ROCK2: variants seen among roughly 807,000 people sequenced by gnomAD.
The protein encoded by ROCK2 is rho-associated protein kinase 2.
ROCK2 carries 61 observed loss-of-function variants against 195.1 expected under a neutral mutation model. That is an observed-to-expected ratio of 0.31 (90% CI 0.25 to 0.39). ROCK2 has a LOEUF of 0.39. Among genes scored for constraint, ROCK2 ranks in the 10% least tolerant of loss-of-function variants. ROCK2 has a pLI of 1.00. For synonymous variants in ROCK2, 504 were observed against 545.5 expected, an observed-to-expected ratio of 0.92 and a Z score of 1.06; for missense variants, 1,109 against 1,637.4, an observed-to-expected ratio of 0.68 and a Z score of 5.57.
At position 11,201,137 on chromosome 2, in the gene ROCK2, A is replaced by G. The variant is rs1190862381; in HGVS notation, c.2730T>C (p.Ser910=). The G allele has an allele frequency of 6.2e-7, 1 of 1,605,726 alleles. No individual in the cohort carries two copies. Among genetic ancestry groups the G allele is most frequent in the Non-Finnish European group, 8.5e-7 (1 of 1,177,432 alleles). Residue 910 remains serine (S), a synonymous_variant, in exon 23 of 33, where the codon TCT becomes TCC. Transcript: ENST00000315872. This position sits in a 1 kb window ranked among gnomAD's most constrained non-coding sequence, Gnocchi z 4.6. ...AGGTGATCTCCAGTTGGGCAGCCAA[A>G]GAGTCCCTACATTTTAGCAATATAT... ...KKQELQDERD[S]LAAQLEITLT... is the part of the protein sequence containing the mutation.
At chr2:11,200,146 T>C (rs1333388712) in intron 23 of ROCK2, among the ~76,000 whole-genome samples, 3 of 152,224 alleles carry the variant, frequency 2.0e-5, no homozygotes, top group Admixed American at 6.5e-5. Context: ...TTCCAAATTC[T>C]TTAATCTTAT....
In ROCK2 at chr2:11,200,940, C is replaced by T; in HGVS notation, c.2910+17G>A. ...AATTTAACTATAATCCAAAAAAGCACCAAGAATTTGACTTACAGAAGCAAT... is the reference window on the plus strand; with the variant it reads ...AATTTAACTATAATCCAAAAAAGCATCAAGAATTTGACTTACAGAAGCAAT... On this transcript the variant is annotated intron_variant, in intron 23 of 32. Transcript: ENST00000315872. 1 of 1,574,816 alleles carries T rather than the reference C, an allele frequency of 6.3e-7. No homozygotes were observed. Among genetic ancestry groups the T allele is most frequent in the Non-Finnish European group, 8.6e-7 (1 of 1,163,746 alleles).
Position 11,179,958 on chromosome 2 carries a change from A to AACTC in ROCK2, c.*3475_*3478dup. 6.6e-6 allele frequency: 1 copy of AACTC among 152,200 alleles called. No individual in the cohort carries two copies. Among genetic ancestry groups the AACTC allele is most frequent in the East Asian group, 1.9e-4 (1 of 5,176 alleles). The allele number at this position is 152,200 out of a possible 1,614,324, so 9.4% of individuals were successfully genotyped here. ...CATTACTTATTACAATTCCAAACAA[A>AACTC]ACTCATTATTATGGGGATGGGAGTC... On this transcript the variant is annotated 3_prime_UTR_variant, in exon 33 of 33. Coordinates refer to ENST00000315872, the MANE Select transcript of ROCK2 (RefSeq NM_004850.5).
chr2:11,233,131 T>C (rs1357333203), intron 5 of ROCK2, among the ~76,000 whole-genome samples: 1 of 152,192 alleles, frequency 6.6e-6, no homozygotes, highest in East Asian at 1.9e-4. Flanking sequence ...GGAGGATCCC[T>C]TGAGCCCAGG....
intron 16 of ROCK2, 22 bp downstream of exon 16, chr2:11,214,818 A>C (rs538810440): frequency 6.3e-7 from 1 of 1,578,824 alleles, no homozygotes; most frequent in South Asian, 1.1e-5. Context: ...AATTAATTCA[A>C]GTGCAACCAC....
At chr2:11,339,684 A>G (rs1400515905) in intron 1 of ROCK2, among the ~76,000 whole-genome samples, 1 of 152,218 alleles carries the variant, frequency 6.6e-6, no homozygotes, top group Admixed American at 6.5e-5. Context: ...GCAAGTCATA[A>G]AAGAATACAT....
rs539977220 is a variant in ROCK2, at chr2:11,344,336, A to AGCCGG, written c.-201_-200insCCGGC. On this transcript the variant is annotated 5_prime_UTR_variant, in exon 1 of 33. Transcript: ENST00000315872. This position sits in a 1 kb window ranked among gnomAD's most constrained non-coding sequence, Gnocchi z 5.4. ...GGGCCCGCCCGGCCCAGCCCGGCCC[A>AGCCGG]GCCCGGCCCGGCCCTGCCGGGAGCG... is the stretch of plus-strand genomic sequence containing the variant. 20 of 1,149,272 alleles carry AGCCGG rather than the reference A, an allele frequency of 1.7e-5. No homozygotes were observed. The highest frequency in any genetic ancestry group is 2.2e-5 in the Non-Finnish European group (20 of 927,966). The allele number at this position is 1,149,272 out of a possible 1,614,324, so 71.2% of individuals were successfully genotyped here. A position where few individuals can be genotyped will look rare whatever the true frequency, so the allele number is the denominator to read the frequency against.
At chr2:11,230,917 T>G (rs1664984828) in intron 5 of ROCK2, among the ~76,000 whole-genome samples, 1 of 152,154 alleles carries the variant, frequency 6.6e-6, no homozygotes, top group African/African-American at 2.4e-5. Flanking sequence ...TTTTAGGAAA[T>G]TCTTCTCTTT....
chr2:11,282,053 C>T lies in ROCK2; in HGVS notation c.324+4486G>A, dbSNP rs550799243. On this transcript the variant is annotated intron_variant, in intron 3 of 32. Transcript: ENST00000315872. ...GAAGCAAAAGACCCAGAATAGCCAA[C>T]AAAATATTAAAGAACAGTCAGGTGC... Among the ~76,000 whole-genome samples, 9 of 152,196 alleles carry T rather than the reference C, an allele frequency of 5.9e-5. No homozygotes were observed. In the South Asian group the frequency reaches 1.9e-3, roughly 32 times the overall value.
chr2:11,257,633 C>G (rs142247857), intron 3 of ROCK2, among the ~76,000 whole-genome samples: 1 of 151,110 alleles, frequency 6.6e-6, no homozygotes, highest in East Asian at 1.9e-4. Flanking sequence ...GAATCACCTC[C>G]GCAGATATGG....
rs1669205372 is a variant in ROCK2 at position 11,344,165 on chromosome 2, TCCTCGCGCTCAGGTC to T, written c.-44_-30del. On this transcript the variant is annotated 5_prime_UTR_variant, in exon 1 of 33. Coordinates refer to ENST00000315872, the MANE Select transcript of ROCK2 (RefSeq NM_004850.5). The surrounding 1 kb of genome is among the most constrained non-coding windows in gnomAD (Gnocchi z 5.4). ...GCCACCGCTGGACCCGCACTCAGGC[TCCTCGCGCTCAGGTC>T]CCGCAGCCTCGGGGCCTAGCACCGC... 7.2e-7 allele frequency: 1 copy of T among 1,394,130 alleles called. No homozygotes were observed. The highest frequency in any genetic ancestry group is 1.6e-5 in the South Asian group (1 of 62,042). 86.4% of individuals were successfully genotyped at this position (1,394,130 alleles called of 1,614,324 possible). A position where few individuals can be genotyped will look rare whatever the true frequency, so the allele number is the denominator to read the frequency against.
At chr2:11,210,093 T>C (rs1453498623) in intron 18 of ROCK2, among the ~76,000 whole-genome samples, 1 of 152,214 alleles carries the variant, frequency 6.6e-6, no homozygotes, top group Non-Finnish European at 1.5e-5. Flanking sequence ...TGAAACCATC[T>C]ATAATATGTA....
chr2:11,317,612 A>ATTTTTTTTTTTTT lies in ROCK2; in HGVS notation c.141+26371_141+26383dup, dbSNP rs1553317464. 1.6e-4 allele frequency among the ~76,000 whole-genome samples: 3 copies of ATTTTTTTTTTTTT among 19,312 alleles called. 1 individual carries two copies. Among genetic ancestry groups the ATTTTTTTTTTTTT allele is most frequent in the African/African-American group, 4.8e-4 (3 of 6,266 alleles). The allele number at this position is 19,312 out of a possible 152,430, so 12.7% of individuals were successfully genotyped here. A position where few individuals can be genotyped will look rare whatever the true frequency, so the allele number is the denominator to read the frequency against. On this transcript the variant is annotated intron_variant, in intron 1 of 32. Transcript: ENST00000315872. ...TATATATATATATATATATATATAT[A>ATTTTTTTTTTTTT]TTTTTTTTTTTTTTTAATTATACTT...
chr2:11,320,516 A>G (rs929073670), intron 1 of ROCK2, among the ~76,000 whole-genome samples: 10 of 133,064 alleles, frequency 7.5e-5, no homozygotes, highest in African/African-American at 2.4e-4. Flanking sequence ...TTGCCTTGTC[A>G]CCACTGTGAT....
chr2:11,307,780 A>G (rs940453989), intron 1 of ROCK2, among the ~76,000 whole-genome samples: 3 of 152,216 alleles, frequency 2.0e-5, no homozygotes, highest in African/African-American at 7.2e-5. Context: ...CAGGAAAAAA[A>G]CCAACAGATT....
At chr2:11,334,235 A>G (rs552926162) in intron 1 of ROCK2, among the ~76,000 whole-genome samples, 6 of 152,306 alleles carry the variant, frequency 3.9e-5, no homozygotes, top group East Asian at 1.9e-4. Flanking sequence ...AAAAGAGGCC[A>G]GGCGCAGTGA....
At position 11,344,252 on chromosome 2, in the gene ROCK2, T is replaced by A; in HGVS notation, c.-116A>T. 1.5e-6 allele frequency: 2 copies of A among 1,302,342 alleles called. No individual in the cohort carries two copies. Among genetic ancestry groups the A allele is most frequent in the Non-Finnish European group, 1.9e-6 (2 of 1,029,016 alleles). The allele number at this position is 1,302,342 out of a possible 1,614,324, so 80.7% of individuals were successfully genotyped here. On this transcript the variant is annotated 5_prime_UTR_variant, in exon 1 of 33. Coordinates refer to ENST00000315872, the MANE Select transcript of ROCK2 (RefSeq NM_004850.5). The surrounding 1 kb of genome is among the most constrained non-coding windows in gnomAD (Gnocchi z 5.4). Reference sequence around the variant, plus strand: ...CGGGACTCCACCCGGGCCCACCGCCTGCCTCTAGCTCCGGCTTCGGGTCTC... The same window carrying A: ...CGGGACTCCACCCGGGCCCACCGCCAGCCTCTAGCTCCGGCTTCGGGTCTC...
rs560373307 is a variant in ROCK2, at chr2:11,262,099, G to A, written c.325-12301C>T. Among the ~76,000 whole-genome samples, 37 of 152,160 alleles carry A rather than the reference G, an allele frequency of 2.4e-4. No homozygotes were observed. In the South Asian group the frequency reaches 5.0e-3, roughly 20 times the overall value. On this transcript the variant is annotated intron_variant, in intron 3 of 32. Transcript: ENST00000315872. ...TTATGTAGTATGACATGAATTTCCCGTCACTAGTCTATGAGTACCTAAAGG... is the reference window on the plus strand; with the variant it reads ...TTATGTAGTATGACATGAATTTCCCATCACTAGTCTATGAGTACCTAAAGG...
At position 11,223,159 on chromosome 2, in the gene ROCK2, C is replaced by T. The variant is rs187104963; in HGVS notation, c.1008-985G>A. The stretch of plus-strand genomic sequence containing the variant: ...CATCTCCAGGTCTTAATATATAAAT[C>T]GTCATTTCCATTTTACTTTGAGTTT... On this transcript the variant is annotated intron_variant, in intron 7 of 32. Transcript: ENST00000315872. Among the ~76,000 whole-genome samples the T allele has an allele frequency of 4.6e-5, 7 of 152,246 alleles. No homozygotes were observed. In the East Asian group the frequency reaches 1.2e-3, roughly 25 times the overall value.
Sources: gnomAD v4.1 joint callset for allele counts (sites outside exome capture counted in the v4.1 genomes callset) on GRCh38, gnomAD v4.1.1 for gene constraint, Gnocchi (gnomAD v3.1) non-coding constraint, MANE v1.5 for transcripts, NCBI Gene and HGNC (gene_info 2026-07-23, HGNC 2026-07-21) for gene names.